The following C1orf21 variants were observed in gnomAD, a reference collection of about 807,000 sequenced individuals.
The protein encoded by C1orf21 is chromosome 1 open reading frame 21.
In C1orf21, 3 loss-of-function variants were observed where a neutral mutation model predicts 18.7. That is an observed-to-expected ratio of 0.16 (90% CI 0.07 to 0.42). The LOEUF (loss-of-function observed/expected upper bound fraction) is 0.42, where lower values mean the gene tolerates loss of function less well. Ranked by LOEUF, C1orf21 falls within the 10% of genes least tolerant of loss-of-function variation. The pLI is 0.99. For synonymous variants in C1orf21, 41 were observed against 46.4 expected (o/e 0.88, Z 0.47); for missense variants, 104 against 143.6 (o/e 0.72, Z 1.41).
intron 1 of C1orf21, among the ~76,000 whole-genome samples, chr1:184,456,524 T>C (rs115976532): frequency 6.6e-6 from 1 of 152,218 alleles, no homozygotes; most frequent in Non-Finnish European, 1.5e-5. Flanking sequence ...AAGGTTATGA[T>C]ATGTTTATAT....
intron 1 of C1orf21, among the ~76,000 whole-genome samples, chr1:184,409,403 G>C (rs578207681): frequency 2.0e-5 from 3 of 152,154 alleles, no homozygotes; most frequent in Admixed American, 2.0e-4. Context: ...CGGGTAGGGG[G>C]ATGGGAAGAT....
chr1:184,584,292 G>T (rs1209535653), intron 3 of C1orf21, among the ~76,000 whole-genome samples: 1 of 151,998 alleles, frequency 6.6e-6, no homozygotes, highest in Non-Finnish European at 1.5e-5. Context: ...ATGCTCCTAA[G>T]GTGGATTTTC....
At chr1:184,439,951 A>G (rs1230930460) in intron 1 of C1orf21, among the ~76,000 whole-genome samples, 1 of 152,218 alleles carries the variant, frequency 6.6e-6, no homozygotes, top group Admixed American at 6.5e-5. Flanking sequence ...ATGAAATAAG[A>G]ATTCAGTATG....
intron 3 of C1orf21, among the ~76,000 whole-genome samples, chr1:184,535,509 A>C (rs1245171010): frequency 2.6e-5 from 4 of 152,264 alleles, no homozygotes; most frequent in Admixed American, 1.3e-4. Context: ...CATCAGCTAC[A>C]TGAAGTACGT....
chr1:184,517,699 G>A (rs1041102491), intron 3 of C1orf21, among the ~76,000 whole-genome samples: 1 of 152,098 alleles, frequency 6.6e-6, no homozygotes, highest in Non-Finnish European at 1.5e-5. Flanking sequence ...TTCATAGTTT[G>A]GGGACCTCTA....
chr1:184,495,336 T>TA (rs1657875407), intron 2 of C1orf21, among the ~76,000 whole-genome samples: 2 of 152,208 alleles, frequency 1.3e-5, no homozygotes, highest in Non-Finnish European at 2.9e-5. Context: ...TCTTCACTTG[T>TA]ACCCACCATC....
chr1:184,590,271 C>T (rs1659418671), intron 3 of C1orf21, among the ~76,000 whole-genome samples: 1 of 152,162 alleles, frequency 6.6e-6, no homozygotes, highest in East Asian at 1.9e-4. Flanking sequence ...CAGCATTTGT[C>T]GTGGGTTTTA....
At chr1:184,578,783 A>G (rs904984046) in intron 3 of C1orf21, among the ~76,000 whole-genome samples, 1 of 152,204 alleles carries the variant, frequency 6.6e-6, no homozygotes, top group African/African-American at 2.4e-5. Context: ...ATTAATTAGC[A>G]TTATGGTAGT....
chr1:184,411,204 C>T (rs1656347987), intron 1 of C1orf21, among the ~76,000 whole-genome samples: 1 of 152,100 alleles, frequency 6.6e-6, no homozygotes, highest in South Asian at 2.1e-4. Context: ...CTACTGGCTT[C>T]TCTAGGTTCT....
intron 1 of C1orf21, among the ~76,000 whole-genome samples, chr1:184,396,312 G>A (rs1656049580): frequency 6.6e-6 from 1 of 152,190 alleles, no homozygotes; most frequent in Admixed American, 6.5e-5. Context: ...GTCAGAACAA[G>A]TGAACTGTAG....
chr1:184,520,423 T>A (rs1280725927), intron 3 of C1orf21, among the ~76,000 whole-genome samples: 1 of 152,204 alleles, frequency 6.6e-6, no homozygotes, highest in African/African-American at 2.4e-5. Flanking sequence ...AGCTGAAGAT[T>A]CATTATTAGC....
At chr1:184,611,149 C>T (rs981977587) in intron 5 of C1orf21, among the ~76,000 whole-genome samples, 4 of 152,118 alleles carry the variant, frequency 2.6e-5, no homozygotes, top group East Asian at 1.9e-4. Context: ...TCATTAGAGA[C>T]GGAGAAAGCC....
intron 1 of C1orf21, among the ~76,000 whole-genome samples, chr1:184,447,033 G>A (rs971169475): frequency 1.3e-5 from 2 of 152,056 alleles, no homozygotes; most frequent in African/African-American, 4.8e-5. Flanking sequence ...TATCTGTTTT[G>A]AGACTCAGTC....
chr1:184,436,085 C>G (rs577203597), intron 1 of C1orf21, among the ~76,000 whole-genome samples: 1 of 152,014 alleles, frequency 6.6e-6, no homozygotes, highest in Non-Finnish European at 1.5e-5. Context: ...GAAAATGATC[C>G]AATAGAAAGG....
At chr1:184,612,064 A>G (rs2102009083) in intron 5 of C1orf21, among the ~76,000 whole-genome samples, 1 of 152,320 alleles carries the variant, frequency 6.6e-6, no homozygotes, top group South Asian at 2.1e-4. Context: ...ATTCAACAAA[A>G]GGCATTATCT....
intron 2 of C1orf21, among the ~76,000 whole-genome samples, chr1:184,496,858 T>C (rs1299636216): frequency 6.6e-6 from 1 of 152,238 alleles, no homozygotes; most frequent in Non-Finnish European, 1.5e-5. Flanking sequence ...TTCTAGAAAT[T>C]ACTGCAGTTC....
Position 184,513,115 on chromosome 1 carries a change from G to GA in C1orf21, c.189+5440dup, listed in dbSNP as rs559246935. Among the ~76,000 whole-genome samples, 166 of 152,228 alleles carry GA rather than the reference G, an allele frequency of 1.1e-3. 1 individual carries two copies. Among genetic ancestry groups the GA allele is most frequent in the African/African-American group, 3.9e-3 (163 of 41,534 alleles). On this transcript the variant is annotated intron_variant, in intron 3 of 5. Transcript: ENST00000235307. ...CCTTTGCCACTTCACCCTGGTCTGTGAAAAAAATTATCTTCCATGAAACCA... is the reference window on the plus strand; with the variant it reads ...CCTTTGCCACTTCACCCTGGTCTGTGAAAAAAAATTATCTTCCATGAAACCA...
intron 2 of C1orf21, among the ~76,000 whole-genome samples, chr1:184,495,530 T>C (rs1424111603): frequency 1.3e-5 from 2 of 152,102 alleles, no homozygotes; most frequent in African/African-American, 4.8e-5. Context: ...AAAATTAACG[T>C]CAATATACTT....
intron 3 of C1orf21, among the ~76,000 whole-genome samples, chr1:184,589,180 G>A (rs1659401502): frequency 6.6e-6 from 1 of 152,232 alleles, no homozygotes; most frequent in Non-Finnish European, 1.5e-5. Flanking sequence ...CGGAAATTAT[G>A]TGAAAGAGAA....
Sources: allele counts gnomAD v4.1 joint callset (sites outside exome capture counted in the v4.1 genomes callset), GRCh38; gene constraint gnomAD v4.1.1; transcripts MANE v1.5; gene names NCBI Gene and HGNC (gene_info 2026-07-23, HGNC 2026-07-21).